DMD: variants seen among roughly 807,000 people sequenced by gnomAD.
The protein encoded by DMD is mutant dystrophin.
A neutral mutation model predicts 330.1 loss-of-function variants in DMD; 63 were observed. The ratio of observed to expected loss-of-function variants is 0.19; its 90% confidence interval spans 0.16 to 0.24. The LOEUF (loss-of-function observed/expected upper bound fraction) is 0.24. DMD is among the 10% of genes least tolerant of loss of function. The pLI is 1.00. For missense variants in DMD, 3,344 were observed against 2,684.1 expected (o/e 1.25, Z -5.43); for synonymous variants, 1,223 against 959.8 (o/e 1.27, Z -5.07).
At chrX:32,309,735 G>A (rs1230292163) in intron 42 of DMD, among the ~76,000 whole-genome samples, 2 of 110,562 alleles carry the variant, frequency 1.8e-5, no homozygotes, top group Non-Finnish European at 3.8e-5. Flanking sequence ...TCCCTTTTTG[G>A]AAAATGAAAC....
intron 33 of DMD, among the ~76,000 whole-genome samples, chrX:32,381,593 C>T (rs2097924915): frequency 9.0e-6 from 1 of 111,466 alleles, no homozygotes; most frequent in Non-Finnish European, 1.9e-5. Context: ...CTTTAGATTA[C>T]TCCTCTCTAC....
intron 1 of DMD, among the ~76,000 whole-genome samples, chrX:33,115,758 G>T (rs1366187533): frequency 9.1e-6 from 1 of 109,734 alleles, no homozygotes; most frequent in Non-Finnish European, 1.9e-5. Context: ...CTCGTGATCC[G>T]CCGGCCTCCC....
intron 62 of DMD, among the ~76,000 whole-genome samples, chrX:31,314,648 C>T (rs751590842): frequency 9.1e-6 from 1 of 110,047 alleles, no homozygotes; most frequent in Admixed American, 9.7e-5. Context: ...TACTGTTTTT[C>T]TATCTTGTAC....
intron 48 of DMD, among the ~76,000 whole-genome samples, chrX:31,861,378 AC>A (rs1313895036): frequency 9.0e-6 from 1 of 110,791 alleles, no homozygotes; most frequent in African/African-American, 3.3e-5. Context: ...GGCAAAATGT[AC>A]TAACAAGACA....
chrX:32,341,696 T>C (rs1472104830), intron 41 of DMD, among the ~76,000 whole-genome samples: 2 of 111,699 alleles, frequency 1.8e-5, no homozygotes, highest in Non-Finnish European at 3.8e-5. Flanking sequence ...ATATTTATTA[T>C]TTATCATGTA....
At chrX:32,426,946 C>T (rs2098215462) in intron 29 of DMD, among the ~76,000 whole-genome samples, 2 of 110,901 alleles carry the variant, frequency 1.8e-5, no homozygotes. Context: ...ACACTGGGTC[C>T]TACTTGAGGA....
intron 17 of DMD, among the ~76,000 whole-genome samples, chrX:32,533,334 C>A (rs996745436): frequency 8.9e-6 from 1 of 111,791 alleles, no homozygotes; most frequent in Non-Finnish European, 1.9e-5. Context: ...TTCCTTACTT[C>A]TAAACTTCCT....
chrX:32,309,145 C>G (rs906630449), intron 42 of DMD, among the ~76,000 whole-genome samples: 2 of 111,248 alleles, frequency 1.8e-5, no homozygotes, highest in Non-Finnish European at 3.8e-5. Flanking sequence ...AGTCAAGTCA[C>G]TGAAGATACT....
intron 43 of DMD, among the ~76,000 whole-genome samples, chrX:32,252,795 T>TATATATATAA (rs1569553701): frequency 2.1e-5 from 1 of 46,963 alleles, no homozygotes; most frequent in African/African-American, 1.6e-4. Context: ...TATATATAAA[T>TATATATATAA]ATATATATAA....
At chrX:33,329,363 A>G (rs1451303236) in intron 1 of DMD, among the ~76,000 whole-genome samples, 1 of 112,180 alleles carries the variant, frequency 8.9e-6, no homozygotes, top group African/African-American at 3.2e-5. Flanking sequence ...GGCATTTTCA[A>G]CTAAAGATGA....
chrX:32,403,289 T>C (rs971064930), intron 30 of DMD, among the ~76,000 whole-genome samples: 3 of 111,759 alleles, frequency 2.7e-5, no homozygotes, highest in African/African-American at 9.7e-5. Flanking sequence ...TTTGGATCAC[T>C]TCAAAATATT....
rs114170089 is a variant in DMD, at chrX:32,618,826, T to C, written c.1332-4373A>G. On this transcript the variant is annotated intron_variant, in intron 11 of 78. Transcript: ENST00000357033. ...CGTACCTGCAAAAGTTAAAAATTAC[T>C]AATTAAAAAAAAGAAAACCTTTACA... Among the ~76,000 whole-genome samples, 802 of 111,096 alleles carry C rather than the reference T, an allele frequency of 7.2e-3. 11 individuals carry two copies. The highest frequency in any genetic ancestry group is 0.024 in the African/African-American group (749 of 30,652).
chrX:31,266,984 G>A (rs2051213950), intron 62 of DMD: 1 of 883,337 alleles, frequency 1.1e-6, no homozygotes, highest in Non-Finnish European at 1.5e-6. Flanking sequence ...GGCCGGGGAG[G>A]GGGCGCTGCG....
At chrX:31,548,130 A>T (rs909700432) in intron 55 of DMD, among the ~76,000 whole-genome samples, 1 of 111,990 alleles carries the variant, frequency 8.9e-6, no homozygotes, top group African/African-American at 3.2e-5. Context: ...GTATTTTCGT[A>T]GCACCAGGTC....
intron 1 of DMD, among the ~76,000 whole-genome samples, chrX:33,056,701 G>A (rs1032708991): frequency 1.1e-4 from 12 of 111,118 alleles, no homozygotes; most frequent in African/African-American, 3.9e-4. Flanking sequence ...TCATTCGTTC[G>A]TTCATTCATT....
intron 1 of DMD, among the ~76,000 whole-genome samples, chrX:33,304,744 A>C (rs1343148785): frequency 1.4e-4 from 14 of 101,247 alleles, no homozygotes; most frequent in Non-Finnish European, 2.4e-4. Flanking sequence ...ACCCCATCAA[A>C]AAGTGGGCGA....
chrX:32,540,901 A>G (rs2048424307), intron 17 of DMD, among the ~76,000 whole-genome samples: 1 of 111,595 alleles, frequency 9.0e-6, no homozygotes. Context: ...ATCTGGATTT[A>G]TGGGAATTCG....
At chrX:31,532,111 T>C (rs2073892052) in intron 55 of DMD, among the ~76,000 whole-genome samples, 1 of 92,789 alleles carries the variant, frequency 1.1e-5, no homozygotes, top group Admixed American at 1.4e-4. Flanking sequence ...CAGGCCAACG[T>C]TCAGATTCAG....
chrX:32,596,144 C>G (rs1476299462), intron 12 of DMD, among the ~76,000 whole-genome samples: 1 of 110,812 alleles, frequency 9.0e-6, no homozygotes, highest in Non-Finnish European at 1.9e-5. Flanking sequence ...CACCCCCTTT[C>G]TCCCTTTCAA....
Sources: allele counts gnomAD v4.1 joint callset (sites outside exome capture counted in the v4.1 genomes callset), GRCh38; gene constraint gnomAD v4.1.1; transcripts MANE v1.5; gene names NCBI Gene and HGNC (gene_info 2026-07-23, HGNC 2026-07-21).